Variants in RAB40A observed in about 807,000 individuals in gnomAD.
RAB40A encodes the protein RAB40A, member RAS oncogene family, also known as ras-related protein Rab-40A.
For missense variants in RAB40A, 145 were observed against 230.2 expected (o/e 0.63, Z 2.40); for synonymous variants, 65 against 99.9 (o/e 0.65, Z 2.08).
At chrX:103,513,201 C>T (rs922473931) in intron 2 of RAB40A, among the ~76,000 whole-genome samples, 1 of 111,758 alleles carries the variant, frequency 8.9e-6, no homozygotes, top group Non-Finnish European at 1.9e-5. Flanking sequence ...AAAGTGGTTT[C>T]ACAACATGCT....
At chrX:103,503,632 G>A (rs2073240227) in intron 2 of RAB40A, 1 of 241,372 alleles carries the variant, frequency 4.1e-6, no homozygotes, top group Admixed American at 9.4e-5. Flanking sequence ...CCGGATCACA[G>A]CTTTGAGAGT....
At chrX:103,502,165 T>C (rs754216997) in intron 2 of RAB40A, 1 of 122,532 alleles carries the variant, frequency 8.2e-6, no homozygotes, top group Non-Finnish European at 1.9e-5. Flanking sequence ...AGAAACATTC[T>C]AAATACTCAT....
chrX:103,515,820 T>C (rs2073314016), intron 2 of RAB40A, among the ~76,000 whole-genome samples: 1 of 111,921 alleles, frequency 8.9e-6, no homozygotes, highest in Admixed American at 9.5e-5. Context: ...AACATCCCTG[T>C]TAAAGATCAG....
Sources: gnomAD v4.1 joint callset for allele counts (sites outside exome capture counted in the v4.1 genomes callset) on GRCh38, gnomAD v4.1.1 for gene constraint, MANE v1.5 for transcripts, NCBI Gene and HGNC (gene_info 2026-07-23, HGNC 2026-07-21) for gene names.